TBX20: variants seen among roughly 807,000 people sequenced by gnomAD.
The protein encoded by TBX20 is T-box transcription factor TBX20.
TBX20 carries 8 observed loss-of-function variants against 42.9 expected under a neutral mutation model. The observed-to-expected ratio is 0.19, with a 90% CI of 0.11 to 0.34. The LOEUF (loss-of-function observed/expected upper bound fraction) is 0.34, where lower values mean the gene tolerates loss of function less well. Among genes scored for constraint, TBX20 ranks in the 10% least tolerant of loss-of-function variants. TBX20 has a pLI of 1.00. For missense variants in TBX20, 411 were observed against 566.0 expected (o/e 0.73, Z 2.78); for synonymous variants, 198 against 222.8 (o/e 0.89, Z 0.99).
At chr7:35,223,517 A>G (rs1204886868) in intron 6 of TBX20, among the ~76,000 whole-genome samples, 4 of 152,192 alleles carry the variant, frequency 2.6e-5, no homozygotes, top group African/African-American at 7.2e-5. Context: ...GGAGGAGCCA[A>G]TGAAGGACAC....
At chr7:35,206,426 T>C (rs1349518698) in intron 6 of TBX20, among the ~76,000 whole-genome samples, 4 of 152,110 alleles carry the variant, frequency 2.6e-5, no homozygotes, top group Non-Finnish European at 5.9e-5. Flanking sequence ...TGGGCACCTA[T>C]AAACCCAGCT....
intron 5 of TBX20, among the ~76,000 whole-genome samples, chr7:35,239,806 C>T (rs1055757720): frequency 2.0e-5 from 3 of 151,800 alleles, no homozygotes; most frequent in Non-Finnish European, 4.4e-5. Context: ...GGCTGGAGTG[C>T]AGTGGTGAGA....
In TBX20 at chr7:35,253,903, C is replaced by G; in HGVS notation, c.-283G>C. ...GCACGCCCCGGGGCGCTCGGCAGGA[C>G]GACAGTCTGCACAGCCCGAAGGCGG... is the stretch of plus-strand genomic sequence containing the variant. On this transcript the variant is annotated 5_prime_UTR_variant, in exon 1 of 8. Coordinates refer to ENST00000408931, the MANE Select transcript of TBX20 (RefSeq NM_001077653.2). 2 of 443,068 alleles carry G rather than the reference C, an allele frequency of 4.5e-6. No individual in the cohort carries two copies. The highest frequency in any genetic ancestry group is 5.3e-5 in the South Asian group (2 of 37,624). 27.4% of individuals were successfully genotyped at this position (443,068 alleles called of 1,614,324 possible). A position where few individuals can be genotyped will look rare whatever the true frequency, so the allele number is the denominator to read the frequency against.
At position 35,239,256 on chromosome 7, in the gene TBX20, C is replaced by G. The variant is rs1254750831; in HGVS notation, c.813+1623G>C. Among the ~76,000 whole-genome samples the G allele has an allele frequency of 7.9e-5, 12 of 152,204 alleles. No homozygotes were observed. The South Asian group carries it at 2.5e-3, about 32-fold the overall frequency. ...GATGTCAGCTTCATCTTGCCTTTCC[C>G]GAGGGTCTCCACACCACCTCGCTTT... On this transcript the variant is annotated intron_variant, in intron 5 of 7. Transcript: ENST00000408931.
intron 6 of TBX20, among the ~76,000 whole-genome samples, chr7:35,225,358 T>C (rs1298918640): frequency 6.6e-6 from 1 of 152,248 alleles, no homozygotes; most frequent in African/African-American, 2.4e-5. Context: ...TAACCCAAAT[T>C]ATTATTTCAA....
chr7:35,223,337 T>G (rs1489344708), intron 6 of TBX20, among the ~76,000 whole-genome samples: 3 of 152,164 alleles, frequency 2.0e-5, no homozygotes, highest in African/African-American at 4.8e-5. Flanking sequence ...GCCAGTCAGA[T>G]ATTTGAATCT....
At chr7:35,227,770 G>A (rs993760122) in intron 6 of TBX20, among the ~76,000 whole-genome samples, 6 of 152,098 alleles carry the variant, frequency 3.9e-5, no homozygotes, top group African/African-American at 1.2e-4. Context: ...ATTCATAGAT[G>A]CAGAAAGTAG....
At chr7:35,233,706 A>G (rs1205822562) in intron 5 of TBX20, among the ~76,000 whole-genome samples, 1 of 152,250 alleles carries the variant, frequency 6.6e-6, no homozygotes, top group African/African-American at 2.4e-5. Flanking sequence ...ACAAATATCA[A>G]CAAGATTTTT....
chr7:35,210,663 T>C (rs1053557610), intron 6 of TBX20, among the ~76,000 whole-genome samples: 1 of 152,212 alleles, frequency 6.6e-6, no homozygotes, highest in Non-Finnish European at 1.5e-5. Context: ...ATCTACTTTA[T>C]CCCTAGTAAA....
chr7:35,228,996 T>G (rs1413126847), intron 6 of TBX20, among the ~76,000 whole-genome samples: 2 of 152,150 alleles, frequency 1.3e-5, no homozygotes, highest in African/African-American at 4.8e-5. Context: ...AAAACACCTT[T>G]AAGAGTATCT....
chr7:35,222,274 C>T (rs866384453), intron 6 of TBX20, among the ~76,000 whole-genome samples: 1 of 151,934 alleles, frequency 6.6e-6, no homozygotes, highest in Non-Finnish European at 1.5e-5. Context: ...ATATATAGCC[C>T]ATTGTCTGAC....
chr7:35,240,076 G>A (rs1037292358), intron 5 of TBX20, among the ~76,000 whole-genome samples: 1 of 152,196 alleles, frequency 6.6e-6, no homozygotes, highest in African/African-American at 2.4e-5. Context: ...TAAATGTGAT[G>A]TACAACAGAG....
intron 1 of TBX20, among the ~76,000 whole-genome samples, chr7:35,252,693 C>G (rs137908655): frequency 4.5e-4 from 69 of 152,252 alleles, no homozygotes; most frequent in African/African-American, 1.7e-3. Context: ...TGGGGATCCA[C>G]GAGGCAATGA....
At chr7:35,209,465 T>G (rs1789457605) in intron 6 of TBX20, among the ~76,000 whole-genome samples, 1 of 152,202 alleles carries the variant, frequency 6.6e-6, no homozygotes, top group Non-Finnish European at 1.5e-5. Flanking sequence ...ATTCATAATA[T>G]TCCTTTATTA....
At position 35,248,733 on chromosome 7, in the gene TBX20, G is replaced by A. The variant is rs1278414677; in HGVS notation, c.489C>T (p.Ala163=). The A allele has an allele frequency of 6.2e-7, 1 of 1,614,074 alleles. No individual in the cohort carries two copies. The highest frequency in any genetic ancestry group is 8.5e-7 in the Non-Finnish European group (1 of 1,180,054). Residue 163 remains alanine (A), a synonymous_variant, in exon 3 of 8, where the codon GCC becomes GCT. Transcript: ENST00000408931. ...CCACCAGCCAGGAGGACCGGTGGTA[G>A]GCGTAGCGGTACCTCTTGTTGTCCA... ...VPVDNKRYRY[A]YHRSSWLVAG...
chr7:35,204,134 A>G (rs905877476), intron 7 of TBX20, among the ~76,000 whole-genome samples: 7 of 152,216 alleles, frequency 4.6e-5, no homozygotes, highest in Admixed American at 6.5e-5. Flanking sequence ...GAGGTTCAGA[A>G]GGACTTGGTG....
Position 35,241,839 on chromosome 7 carries a change from T to C in TBX20, c.655-802A>G, listed in dbSNP as rs191141018. Among the ~76,000 whole-genome samples the C allele has an allele frequency of 2.0e-4, 30 of 152,290 alleles. No individual in the cohort carries two copies. In the East Asian group the frequency reaches 5.2e-3, roughly 26 times the overall value. Reference sequence around the variant, plus strand: ...TAGGTAGTATTTTTCATATATCTTTTAAATAAAATATAAAAGCTAGCCATT... The same window carrying C: ...TAGGTAGTATTTTTCATATATCTTTCAAATAAAATATAAAAGCTAGCCATT... On this transcript the variant is annotated intron_variant, in intron 4 of 7. Transcript: ENST00000408931.
intron 6 of TBX20, among the ~76,000 whole-genome samples, chr7:35,210,161 C>G (rs2128710493): frequency 6.8e-6 from 1 of 146,712 alleles, no homozygotes; most frequent in Non-Finnish European, 1.5e-5. Flanking sequence ...GTCGCCCAGG[C>G]TGGAGTGCAG....
At chr7:35,253,450 C>G in intron 1 of TBX20, 44 bp downstream of exon 1, 1 of 1,587,108 alleles carries the variant, frequency 6.3e-7, no homozygotes, top group South Asian at 1.1e-5. Flanking sequence ...GACGGATGCG[C>G]AGCATCCCCA....
Sources: allele counts gnomAD v4.1 joint callset (sites outside exome capture counted in the v4.1 genomes callset), GRCh38; gene constraint gnomAD v4.1.1; transcripts MANE v1.5; gene names NCBI Gene and HGNC (gene_info 2026-07-23, HGNC 2026-07-21).